Variants in RNF17 observed in about 807,000 individuals in gnomAD.
RNF17 encodes the protein ring finger protein 17.
A neutral mutation model predicts 200.5 loss-of-function variants in RNF17; 31 were observed. That is an observed-to-expected ratio of 0.15 (90% CI 0.12 to 0.21). RNF17 has a LOEUF of 0.21. Ranked by LOEUF, RNF17 falls within the 10% of genes least tolerant of loss-of-function variation. RNF17 has a pLI of 1.00. For missense variants in RNF17, 1,628 were observed against 1,905.1 expected, an observed-to-expected ratio of 0.85 and a Z score of 2.71; for synonymous variants, 606 against 637.8, an observed-to-expected ratio of 0.95 and a Z score of 0.75.
downstream of RNF17, chr13:24,882,778 G>GTGTT: frequency 5.2e-6 from 1 of 190,576 alleles, no homozygotes; most frequent in East Asian, 1.5e-4. Context: ...ACAGAGACAC[G>GTGTT]TGTTTACTCC....
chr13:24,836,066 A>G lies in RNF17; in HGVS notation c.2482+4088A>G, dbSNP rs142227215. Among the ~76,000 whole-genome samples, 80 of 152,354 alleles carry G rather than the reference A, an allele frequency of 5.3e-4. No homozygotes were observed. In the East Asian group the frequency reaches 0.015, roughly 28 times the overall value. On this transcript the variant is annotated intron_variant, in intron 18 of 35. Transcript: ENST00000255324. ...GTAGAAGAAAGAAATTCAGAGCTCG[A>G]AAACAAGGTCTTCGAATTAACCTAA...
At chr13:24,887,219 C>T in the RNF17 span, among the ~76,000 whole-genome samples, 31 of 152,248 alleles carry the variant, frequency 2.0e-4, no homozygotes, top group Non-Finnish European at 4.0e-4. Flanking sequence ...AGCAAAAAGA[C>T]AAGCCATGAA....
chr13:24,841,642 TAA>T (rs1045465669), intron 18 of RNF17, among the ~76,000 whole-genome samples: 5 of 152,124 alleles, frequency 3.3e-5, no homozygotes, highest in African/African-American at 1.2e-4. Flanking sequence ...TGAAAGAAAT[TAA>T]GTTTCCAATT....
At chr13:24,789,571 G>C in intron 8 of RNF17, 127 bp from the exon 9 acceptor site, 1 of 903,202 alleles carries the variant, frequency 1.1e-6, no homozygotes, top group Non-Finnish European at 1.8e-6. Flanking sequence ...AGTGTAATTT[G>C]TGCTAACTTA....
At chr13:24,774,628 T>G (rs1483908084) in intron 2 of RNF17, among the ~76,000 whole-genome samples, 185 bp from the exon 3 acceptor site, 2 of 152,238 alleles carry the variant, frequency 1.3e-5, no homozygotes, top group African/African-American at 2.4e-5. Flanking sequence ...TCGTGATTGC[T>G]TCCAAAAATT....
intron 18 of RNF17, among the ~76,000 whole-genome samples, chr13:24,840,569 G>A (rs1281407818): frequency 3.3e-5 from 5 of 152,082 alleles, no homozygotes; most frequent in African/African-American, 1.2e-4. Context: ...CTACTACACA[G>A]CCATAAAAGG....
At chr13:24,820,716 G>T (rs1448456715) in intron 15 of RNF17, among the ~76,000 whole-genome samples, 1 of 152,150 alleles carries the variant, frequency 6.6e-6, no homozygotes, top group Non-Finnish European at 1.5e-5. Context: ...GATTACAGTC[G>T]TAGGCCACCA....
chr13:24,883,449 C>A (rs1461274252), downstream of RNF17: 1 of 1,171,902 alleles, frequency 8.5e-7, no homozygotes, highest in East Asian at 2.6e-5. Context: ...TGAAAAGTAG[C>A]CTTTTGAGTC....
At chr13:24,828,228 A>C (rs994565309) in intron 16 of RNF17, among the ~76,000 whole-genome samples, 4 of 51,584 alleles carry the variant, frequency 7.8e-5, no homozygotes, top group Non-Finnish European at 1.7e-4. Context: ...TGGAGTGTGC[A>C]TGGTGCTCAT....
chr13:24,881,371 CCTCAA>C (rs1953809360), downstream of RNF17, among the ~76,000 whole-genome samples: 1 of 151,968 alleles, frequency 6.6e-6, no homozygotes, highest in Non-Finnish European at 1.5e-5. Flanking sequence ...GAACTCCTGA[CCTCAA>C]GTGATCTGCC....
intron 2 of RNF17, among the ~76,000 whole-genome samples, chr13:24,771,583 A>T (rs994812343): frequency 2.0e-5 from 3 of 150,790 alleles, no homozygotes; most frequent in African/African-American, 7.3e-5. Context: ...TTAGCCATTC[A>T]GAAGTGTTTC....
At chr13:24,857,015 A>C (rs1421773233) in intron 25 of RNF17, among the ~76,000 whole-genome samples, 3 of 152,200 alleles carry the variant, frequency 2.0e-5, no homozygotes, top group East Asian at 3.9e-4. Context: ...ATGGCTTTGG[A>C]AATATAGATA....
intron 22 of RNF17, among the ~76,000 whole-genome samples, chr13:24,846,375 T>C (rs903430626): frequency 1.3e-5 from 2 of 152,234 alleles, no homozygotes; most frequent in Non-Finnish European, 2.9e-5. Flanking sequence ...AAAAATTGGA[T>C]ATCTAGCCTC....
chr13:24,779,620 T>A, intron 4 of RNF17, 47 bp from the exon 5 acceptor site: 1 of 1,423,562 alleles, frequency 7.0e-7, no homozygotes. Flanking sequence ...TGTCTAGGCA[T>A]CTGTTTTTTA....
intron 15 of RNF17, among the ~76,000 whole-genome samples, chr13:24,816,535 C>T (rs1192712149): frequency 1.3e-5 from 2 of 152,144 alleles, no homozygotes; most frequent in African/African-American, 4.8e-5. Context: ...TTAAATTAGC[C>T]AGTTCACAAC....
At chr13:24,763,369 A>ATTTTTTTTT (rs34750040), upstream of RNF17, among the ~76,000 whole-genome samples, 121 of 114,644 alleles carry the variant, frequency 1.1e-3, no homozygotes, top group Non-Finnish European at 1.5e-3. Flanking sequence ...CGTCCGGCTA[A>ATTTTTTTTT]TTTTTTTTTT....
chr13:24,827,822 G>T (rs1888913569), intron 16 of RNF17, among the ~76,000 whole-genome samples: 2 of 151,532 alleles, frequency 1.3e-5, no homozygotes, highest in African/African-American at 4.9e-5. Context: ...TTTCCAAGAT[G>T]GTGCCTTGTT....
chr13:24,868,104 C>A (rs1222458520), intron 30 of RNF17, among the ~76,000 whole-genome samples: 1 of 152,142 alleles, frequency 6.6e-6, no homozygotes, highest in Non-Finnish European at 1.5e-5. Flanking sequence ...CAAAAGAATA[C>A]TAAAGATCTT....
intron 16 of RNF17, among the ~76,000 whole-genome samples, chr13:24,827,730 A>C (rs1396497698): frequency 1.4e-5 from 2 of 147,138 alleles, no homozygotes; most frequent in African/African-American, 2.5e-5. Flanking sequence ...AAAAAAAAAA[A>C]ACAATAGAAA....
Sources: allele counts gnomAD v4.1 joint callset (sites outside exome capture counted in the v4.1 genomes callset), GRCh38; gene constraint gnomAD v4.1.1; transcripts MANE v1.5; gene names NCBI Gene and HGNC (gene_info 2026-07-23, HGNC 2026-07-21).